LEPR: variants seen among roughly 807,000 people sequenced by gnomAD.
LEPR encodes leptin receptor, also known as OB receptor.
Under a neutral mutation model 114.7 loss-of-function variants are expected in LEPR, and 56 were observed. The observed-to-expected ratio is 0.49, with a 90% CI of 0.39 to 0.61. The LOEUF is 0.61. LEPR is among the 20% of genes least tolerant of loss of function. The pLI, the probability that LEPR is intolerant of heterozygous loss-of-function variation, is 0.00. For synonymous variants in LEPR, 443 were observed against 461.4 expected, an observed-to-expected ratio of 0.96 and a Z score of 0.51; for missense variants, 1,202 against 1,352.9, an observed-to-expected ratio of 0.89 and a Z score of 1.75.
chr1:65,639,272 C>A lies in LEPR; in HGVS notation c.*2257C>A, dbSNP rs1011104005. 1 of 152,114 alleles carries A rather than the reference C, an allele frequency of 6.6e-6. No homozygotes were observed. Among genetic ancestry groups the A allele is most frequent in the African/African-American group, 2.4e-5 (1 of 41,410 alleles). The allele number at this position is 152,114 out of a possible 1,614,324, so 9.4% of individuals were successfully genotyped here. On this transcript the variant is annotated 3_prime_UTR_variant, in exon 20 of 20. Transcript: ENST00000349533. The stretch of plus-strand genomic sequence containing the variant: ...TACCATCTTGGTTCAGCCTCAGTTC[C>A]CCAGATAAGTGAACAAATGAACAAA...
chr1:65,549,990 T>C (rs948794162), intron 2 of LEPR, among the ~76,000 whole-genome samples: 3 of 152,234 alleles, frequency 2.0e-5, no homozygotes, highest in East Asian at 1.9e-4. Context: ...GATTGGTTTT[T>C]GGTGTGGATG....
At chr1:65,463,760 T>C (rs998659882) in intron 2 of LEPR, among the ~76,000 whole-genome samples, 1 of 152,224 alleles carries the variant, frequency 6.6e-6, no homozygotes, top group African/African-American at 2.4e-5. Context: ...GTTGGATTCC[T>C]AGGTATTTTA....
chr1:65,590,859 G>A (rs12564626), intron 5 of LEPR, among the ~76,000 whole-genome samples: 70,341 of 149,986 alleles, frequency 0.47, 17,210 homozygotes, highest in East Asian at 0.88. Context: ...TTTCTCATCT[G>A]TTTTAAAGTT....
chr1:65,459,960 A>G (rs996092471), intron 2 of LEPR, among the ~76,000 whole-genome samples: 4 of 151,962 alleles, frequency 2.6e-5, no homozygotes, highest in African/African-American at 9.7e-5. Flanking sequence ...GTTAAATGTG[A>G]CCTCATTTGA....
intron 2 of LEPR, chr1:65,430,139 A>T: frequency 8.6e-7 from 1 of 1,167,840 alleles, no homozygotes; most frequent in Non-Finnish European, 1.2e-6. Context: ...CTCATTACTT[A>T]GGCTTTATAC....
Position 65,637,140 on chromosome 1 carries a change from T to C in LEPR, c.*125T>C. 1 of 1,146,590 alleles carries C rather than the reference T, an allele frequency of 8.7e-7. No homozygotes were observed. Among genetic ancestry groups the C allele is most frequent in the South Asian group, 1.5e-5 (1 of 66,698 alleles). 71.0% of individuals were successfully genotyped at this position (1,146,590 alleles called of 1,614,324 possible). On this transcript the variant is annotated 3_prime_UTR_variant, in exon 20 of 20. Transcript: ENST00000349533. ...TTTGAAAATAATTGTTCCAAATGAA[T>C]GTTGTCTGTTTGTTCTCTCTTAGTA...
chr1:65,544,401 AT>A lies in LEPR; in HGVS notation c.-20-21142del, dbSNP rs759525785. On this transcript the variant is annotated intron_variant, in intron 2 of 19. Coordinates refer to ENST00000349533, the MANE Select transcript of LEPR (RefSeq NM_002303.6). ...GTCCTCTGCAAACAGAGACAATTTG[AT>A]TTCCTCTCTTCCTATTTGAATACCC... is the stretch of plus-strand genomic sequence containing the variant. Among the ~76,000 whole-genome samples, 528 of 151,750 alleles carry A rather than the reference AT, an allele frequency of 3.5e-3. 9 individuals are homozygous for A. Among genetic ancestry groups the A allele is most frequent in the East Asian group, 0.013 (67 of 5,186 alleles).
chr1:65,518,836 TTTC>T (rs1185025746), intron 2 of LEPR, among the ~76,000 whole-genome samples: 4 of 149,784 alleles, frequency 2.7e-5, no homozygotes, highest in Admixed American at 6.6e-5. Context: ...AGCCAGCTTT[TTTC>T]TTTTTTCTTT....
chr1:65,524,849 C>G (rs1465249764), intron 2 of LEPR, among the ~76,000 whole-genome samples: 1 of 152,180 alleles, frequency 6.6e-6, no homozygotes, highest in African/African-American at 2.4e-5. Flanking sequence ...ATAACTGCAC[C>G]TAGCATATTG....
At chr1:65,487,320 G>A (rs984317279) in intron 2 of LEPR, among the ~76,000 whole-genome samples, 3 of 152,062 alleles carry the variant, frequency 2.0e-5, no homozygotes, top group Non-Finnish European at 2.9e-5. Context: ...ATAAAAGCTC[G>A]TAAGCTCTGA....
intron 2 of LEPR, among the ~76,000 whole-genome samples, chr1:65,452,285 A>G (rs1232252618): frequency 1.3e-5 from 2 of 151,416 alleles, no homozygotes; most frequent in Non-Finnish European, 2.9e-5. Flanking sequence ...TCTCCTGCCT[A>G]ATTGCCCTGG....
At chr1:65,425,442 G>C in intron 2 of LEPR, 64 bp downstream of exon 2, 1 of 1,403,514 alleles carries the variant, frequency 7.1e-7, no homozygotes, top group East Asian at 2.4e-5. Flanking sequence ...TAGTATGGGT[G>C]TTAGAGAGTT....
intron 2 of LEPR, among the ~76,000 whole-genome samples, chr1:65,538,124 T>C (rs924695395): frequency 2.0e-5 from 3 of 152,164 alleles, no homozygotes; most frequent in Non-Finnish European, 4.4e-5. Context: ...TCCTTAATAA[T>C]TTTCAGCTTT....
chr1:65,471,562 T>C (rs1165550203), intron 2 of LEPR, among the ~76,000 whole-genome samples: 1 of 152,208 alleles, frequency 6.6e-6, no homozygotes, highest in Non-Finnish European at 1.5e-5. Flanking sequence ...CTTTTGCCCA[T>C]GTGGCCAGTC....
chr1:65,587,225 G>A (rs993621328), intron 5 of LEPR, among the ~76,000 whole-genome samples: 2 of 151,962 alleles, frequency 1.3e-5, no homozygotes, highest in African/African-American at 4.8e-5. Flanking sequence ...TTCAGCCAAA[G>A]CATAATACCT....
chr1:65,460,832 ACT>A (rs1441002332), intron 2 of LEPR, among the ~76,000 whole-genome samples: 1 of 152,058 alleles, frequency 6.6e-6, no homozygotes, highest in Non-Finnish European at 1.5e-5. Context: ...ACAGAGTGAC[ACT>A]CTGTCTCAAA....
chr1:65,458,629 T>C (rs568379171), intron 2 of LEPR, among the ~76,000 whole-genome samples: 2 of 152,326 alleles, frequency 1.3e-5, no homozygotes, highest in East Asian at 3.9e-4. Flanking sequence ...TTCTTTTGTC[T>C]TTGATTTTCT....
chr1:65,467,173 A>G (rs571784177), intron 2 of LEPR, among the ~76,000 whole-genome samples: 2 of 151,928 alleles, frequency 1.3e-5, no homozygotes, highest in South Asian at 4.2e-4. Context: ...GGTTTTATCT[A>G]CCTTTGGTCT....
intron 2 of LEPR, among the ~76,000 whole-genome samples, chr1:65,482,829 T>C (rs980184465): frequency 6.6e-6 from 1 of 151,680 alleles, no homozygotes; most frequent in Admixed American, 6.6e-5. Flanking sequence ...CTACTAAAGA[T>C]ACAAAAAAAT....
Sources: gnomAD v4.1 joint callset for allele counts (sites outside exome capture counted in the v4.1 genomes callset) on GRCh38, gnomAD v4.1.1 for gene constraint, MANE v1.5 for transcripts, NCBI Gene and HGNC (gene_info 2026-07-23, HGNC 2026-07-21) for gene names.